The following NSUN6 variants were observed in gnomAD, a reference collection of about 807,000 sequenced individuals.
NSUN6 encodes NOP2/Sun RNA methyltransferase 6.
NSUN6 carries 64 observed loss-of-function variants against 58.0 expected under a neutral mutation model. That is an observed-to-expected ratio of 1.10 (90% CI 0.90 to 1.36). The LOEUF (loss-of-function observed/expected upper bound fraction) is 1.36, where lower values mean the gene tolerates loss of function less well. NSUN6 is among the 40% of genes most tolerant of loss of function. The pLI, the probability that NSUN6 is intolerant of heterozygous loss-of-function variation, is 0.00. For missense variants in NSUN6, 701 were observed against 550.1 expected, an observed-to-expected ratio of 1.27 and a Z score of -2.74; for synonymous variants, 231 against 193.9, an observed-to-expected ratio of 1.19 and a Z score of -1.59.
chr10:18,569,810 C>T (rs985901531), intron 8 of NSUN6, among the ~76,000 whole-genome samples: 6 of 150,698 alleles, frequency 4.0e-5, no homozygotes, highest in East Asian at 2.0e-4. Flanking sequence ...CCATTCCATT[C>T]TCTATTCCAT....
At chr10:18,609,040 G>T (rs2058138112) in intron 6 of NSUN6, among the ~76,000 whole-genome samples, 1 of 152,138 alleles carries the variant, frequency 6.6e-6, no homozygotes, top group African/African-American at 2.4e-5. Flanking sequence ...CAGGTACGGT[G>T]GCTCACACCT....
chr10:18,658,557 T>G, upstream of NSUN6: 1 of 397,952 alleles, frequency 2.5e-6, no homozygotes, highest in Non-Finnish European at 3.4e-6. Context: ...TGCGTGGACT[T>G]CGATCTGGGA....
Position 18,648,650 on chromosome 10 carries a change from A to AAAG in NSUN6, c.76-8_76-6dup, listed in dbSNP as rs45468894. ...TTTACCTAAAGCAGTCACAATCTAAAAAGAAGTTCATGTTTAAATTTCCTG... is the reference window on the plus strand; with the variant it reads ...TTTACCTAAAGCAGTCACAATCTAAAAAGAAGAAGTTCATGTTTAAATTTCCTG... On this transcript the variant is annotated splice_region_variant and splice_polypyrimidine_tract_variant and intron_variant, in intron 1 of 10. Coordinates refer to ENST00000377304, the MANE Select transcript of NSUN6 (RefSeq NM_182543.5). The AAAG allele has an allele frequency of 0.54, 834,284 of 1,533,466 alleles. 236,516 individuals are homozygous for AAAG. Among genetic ancestry groups the AAAG allele is most frequent in the East Asian group, 0.97 (42,798 of 44,088 alleles). 95.0% of individuals were successfully genotyped at this position (1,533,466 alleles called of 1,614,324 possible).
chr10:18,630,723 A>G (rs1356523749), intron 3 of NSUN6, among the ~76,000 whole-genome samples: 1 of 152,224 alleles, frequency 6.6e-6, no homozygotes, highest in Non-Finnish European at 1.5e-5. Flanking sequence ...TGAATCTCTG[A>G]ATAGACCAAT....
intron 8 of NSUN6, among the ~76,000 whole-genome samples, chr10:18,582,167 T>A (rs187281033): frequency 2.0e-5 from 3 of 152,328 alleles, no homozygotes; most frequent in Admixed American, 6.5e-5. Flanking sequence ...AGAATGCTGA[T>A]CACCAGTTTC....
intron 7 of NSUN6, among the ~76,000 whole-genome samples, chr10:18,594,725 C>CGTGT (rs1442664980): frequency 6.6e-6 from 1 of 152,060 alleles, no homozygotes; most frequent in African/African-American, 2.4e-5. Context: ...TCCGGTTGTT[C>CGTGT]GTGTCTGCAT....
At chr10:18,573,062 T>A (rs117700259) in intron 8 of NSUN6, among the ~76,000 whole-genome samples, 2 of 150,798 alleles carry the variant, frequency 1.3e-5, no homozygotes, top group African/African-American at 4.9e-5. Context: ...CTCTTCTCCA[T>A]TCCATTCCAT....
At chr10:18,623,762 G>C (rs1477237605) in intron 3 of NSUN6, among the ~76,000 whole-genome samples, 1 of 152,194 alleles carries the variant, frequency 6.6e-6, no homozygotes, top group Non-Finnish European at 1.5e-5. Context: ...TATCTAAGCA[G>C]AGATTAAATG....
At chr10:18,568,570 T>C (rs895997061) in intron 8 of NSUN6, among the ~76,000 whole-genome samples, 9 of 150,896 alleles carry the variant, frequency 6.0e-5, no homozygotes, top group Admixed American at 5.3e-4. Flanking sequence ...TTCCATTCCA[T>C]TCCCCTTTCC....
At chr10:18,549,530 T>C (rs2054479957) in intron 9 of NSUN6, among the ~76,000 whole-genome samples, 1 of 152,002 alleles carries the variant, frequency 6.6e-6, no homozygotes, top group South Asian at 2.1e-4. Context: ...AAAACTCATT[T>C]ATTTATTTCC....
chr10:18,658,833 C>A (rs1212319421), upstream of NSUN6, among the ~76,000 whole-genome samples: 2 of 152,144 alleles, frequency 1.3e-5, no homozygotes, highest in Non-Finnish European at 2.9e-5. Flanking sequence ...CCGACCTCGT[C>A]TGCAATCGAT....
At chr10:18,627,477 T>G (rs1180385512) in intron 3 of NSUN6, among the ~76,000 whole-genome samples, 6 of 152,236 alleles carry the variant, frequency 3.9e-5, no homozygotes, top group Non-Finnish European at 8.8e-5. Context: ...GACGGGTGAT[T>G]TCTGCATTTC....
At chr10:18,636,567 G>T (rs988180602) in intron 3 of NSUN6, among the ~76,000 whole-genome samples, 3 of 151,854 alleles carry the variant, frequency 2.0e-5, no homozygotes, top group African/African-American at 7.3e-5. Flanking sequence ...TTAACTCCAG[G>T]AACCTCCTCA....
intron 4 of NSUN6, 52 bp from the exon 5 acceptor site, chr10:18,614,665 T>A: frequency 1.0e-6 from 1 of 987,840 alleles, no homozygotes. Flanking sequence ...GGCAGAAGAA[T>A]CGTGAAAATT....
chr10:18,598,094 T>C (rs763835767), intron 6 of NSUN6, among the ~76,000 whole-genome samples: 2 of 152,184 alleles, frequency 1.3e-5, no homozygotes, highest in Admixed American at 6.5e-5. Flanking sequence ...CATTCCACCA[T>C]TGTGATTTGT....
At chr10:18,631,902 T>G (rs1220215152) in intron 3 of NSUN6, among the ~76,000 whole-genome samples, 1 of 152,194 alleles carries the variant, frequency 6.6e-6, no homozygotes, top group East Asian at 1.9e-4. Flanking sequence ...TGGAAAAAAC[T>G]ACTTTAAAGT....
Position 18,545,974 on chromosome 10 carries a change from C to A in NSUN6, c.1369G>T (p.Gly457Cys), listed in dbSNP as rs1290514492. 17 of 1,583,320 alleles carry A rather than the reference C, an allele frequency of 1.1e-5. No homozygotes were observed. Among genetic ancestry groups the A allele is most frequent in the Non-Finnish European group, 1.4e-5 (16 of 1,171,826 alleles). Residue 457 changes from glycine to cysteine, a missense_variant, in exon 11 of 11, where the codon GGT (glycine) becomes TGT (cysteine). Gly to Cys is a radical substitution (Grantham distance 159). Coordinates refer to ENST00000377304, the MANE Select transcript of NSUN6 (RefSeq NM_182543.5). Reference sequence around the variant, plus strand: ...TTTACAAATTTTGCAATAAAAAAACCTATAGAGTCCTTATTAGCCAGACGC... The same window carrying A: ...TTTACAAATTTTGCAATAAAAAAACATATAGAGTCCTTATTAGCCAGACGC... ...MLRLANKDSI[G>C]FFIAKFVKCK...
chr10:18,612,873 G>C (rs774701573), intron 5 of NSUN6, among the ~76,000 whole-genome samples: 1 of 152,112 alleles, frequency 6.6e-6, no homozygotes, highest in Non-Finnish European at 1.5e-5. Flanking sequence ...CTGCCTCCGT[G>C]AATCTATGAA....
intron 6 of NSUN6, among the ~76,000 whole-genome samples, chr10:18,597,370 G>C (rs190687790): frequency 6.9e-4 from 105 of 152,288 alleles, no homozygotes; most frequent in African/African-American, 2.4e-3. Context: ...TTTTGCTTAA[G>C]CTGGGTTCAA....
Sources: gnomAD v4.1 joint callset for allele counts (sites outside exome capture counted in the v4.1 genomes callset) on GRCh38, gnomAD v4.1.1 for gene constraint, MANE v1.5 for transcripts, NCBI Gene and HGNC (gene_info 2026-07-23, HGNC 2026-07-21) for gene names.